The following SIPA1L1 variants were observed in gnomAD, a reference collection of about 807,000 sequenced individuals.
SIPA1L1 encodes the protein signal induced proliferation associated 1 like 1.
Under a neutral mutation model 162.7 loss-of-function variants are expected in SIPA1L1, and 26 were observed. The observed-to-expected ratio is 0.16, with a 90% CI of 0.12 to 0.22. SIPA1L1 has a LOEUF of 0.22. Ranked by LOEUF, SIPA1L1 falls within the 10% of genes least tolerant of loss-of-function variation. The pLI, the probability that SIPA1L1 is intolerant of heterozygous loss-of-function variation, is 1.00. For missense variants in SIPA1L1, 1,874 were observed against 2,241.0 expected, an observed-to-expected ratio of 0.84 and a Z score of 3.31; for synonymous variants, 829 against 837.4, an observed-to-expected ratio of 0.99 and a Z score of 0.17.
intron 6 of SIPA1L1, among the ~76,000 whole-genome samples, chr14:71,619,218 C>T (rs1282706657): frequency 2.0e-5 from 3 of 152,074 alleles, no homozygotes; most frequent in East Asian, 3.9e-4. Context: ...TACTGGAAAG[C>T]GCCAAGCCAA....
At chr14:71,395,236 T>C (rs139181145) in intron 2 of SIPA1L1, among the ~76,000 whole-genome samples, 227 of 152,288 alleles carry the variant, frequency 1.5e-3, no homozygotes, top group African/African-American at 5.1e-3. Context: ...ACAGAGCATG[T>C]GTTGTTTTGT....
chr14:71,730,234 C>T lies in SIPA1L1; in HGVS notation c.4794C>T (p.Tyr1598=). The T allele has an allele frequency of 6.2e-7, 1 of 1,614,146 alleles. No individual in the cohort carries two copies. The highest frequency in any genetic ancestry group is 1.3e-5 in the African/African-American group (1 of 75,034). ...LPNDVLFSST[Y]PSLPKSLPLR... ...ACGACGTCCTCTTCAGTAGCACGTA[C>T]CCTTCTCTCCCCAAGTCGCTCCCGT... The change falls in exon 20 of 24, where the codon TAC becomes TAT. Residue 1598 remains tyrosine (Y), a synonymous_variant. Coordinates refer to ENST00000381232, the MANE Select transcript of SIPA1L1 (RefSeq NM_001386936.1).
chr14:71,520,950 C>T (rs546860706), intron 3 of SIPA1L1, among the ~76,000 whole-genome samples: 2 of 152,092 alleles, frequency 1.3e-5, no homozygotes, highest in East Asian at 1.9e-4. Flanking sequence ...GATGGGGTTT[C>T]GCCATGTTGG....
chr14:71,585,511 GTTTTATTTCTTGTA>G (rs945988869), intron 4 of SIPA1L1, among the ~76,000 whole-genome samples: 1 of 152,154 alleles, frequency 6.6e-6, no homozygotes, highest in African/African-American at 2.4e-5. Flanking sequence ...TTCCAAGTCA[GTTTTATTTCTTGTA>G]TTTTACTGCC....
intron 2 of SIPA1L1, among the ~76,000 whole-genome samples, chr14:71,491,830 C>T (rs2049306919): frequency 6.8e-6 from 1 of 147,914 alleles, no homozygotes; most frequent in African/African-American, 2.5e-5. Context: ...CCCCGCCCCC[C>T]CACATGAAGA....
intron 2 of SIPA1L1, among the ~76,000 whole-genome samples, chr14:71,363,058 A>G (rs2037957823): frequency 6.6e-6 from 1 of 152,254 alleles, no homozygotes. Flanking sequence ...CTCATTTAAA[A>G]TGGCTTGTAA....
intron 2 of SIPA1L1, among the ~76,000 whole-genome samples, chr14:71,426,200 T>A (rs2043546582): frequency 6.6e-6 from 1 of 152,172 alleles, no homozygotes; most frequent in Non-Finnish European, 1.5e-5. Flanking sequence ...TCTACCATTC[T>A]CTGTCTTTTT....
intron 16 of SIPA1L1, among the ~76,000 whole-genome samples, chr14:71,708,026 T>G (rs1463009602): frequency 1.4e-4 from 17 of 124,032 alleles, no homozygotes; most frequent in South Asian, 6.4e-4. Flanking sequence ...TTTTTTTTTT[T>G]TTGTTTTTTT....
chr14:71,680,271 C>G (rs1386619658), intron 12 of SIPA1L1, among the ~76,000 whole-genome samples: 1 of 152,198 alleles, frequency 6.6e-6, no homozygotes, highest in African/African-American at 2.4e-5. Flanking sequence ...GATTAAGAAA[C>G]TCACTCAAAA....
At chr14:71,506,587 C>T (rs997472079) in intron 2 of SIPA1L1, among the ~76,000 whole-genome samples, 8 of 152,090 alleles carry the variant, frequency 5.3e-5, no homozygotes, top group South Asian at 4.2e-4. Context: ...GCGATCCACC[C>T]GCCTCAACCT....
intron 2 of SIPA1L1, 82 bp downstream of exon 2, chr14:71,321,263 G>T (rs1002133655): frequency 2.0e-5 from 3 of 152,376 alleles, no homozygotes; most frequent in East Asian, 1.9e-4. Context: ...TCTGGCCGGG[G>T]TTGGGGTCCA....
intron 7 of SIPA1L1, among the ~76,000 whole-genome samples, chr14:71,637,987 A>T (rs2041334905): frequency 6.6e-6 from 1 of 152,240 alleles, no homozygotes; most frequent in African/African-American, 2.4e-5. Context: ...AGAACTCCTC[A>T]GAAAACAGTC....
intron 2 of SIPA1L1, among the ~76,000 whole-genome samples, chr14:71,337,524 G>C (rs779630995): frequency 6.6e-6 from 1 of 152,166 alleles, no homozygotes; most frequent in Non-Finnish European, 1.5e-5. Context: ...AAGAGAGCAT[G>C]TCCTGGAGAA....
At chr14:71,347,533 A>G (rs1039139127) in intron 2 of SIPA1L1, among the ~76,000 whole-genome samples, 2 of 152,192 alleles carry the variant, frequency 1.3e-5, no homozygotes, top group Admixed American at 6.5e-5. Context: ...TGACTTATAT[A>G]GTAACTCTAT....
intron 2 of SIPA1L1, among the ~76,000 whole-genome samples, chr14:71,364,559 A>G (rs1292676466): frequency 6.6e-6 from 1 of 152,138 alleles, no homozygotes; most frequent in African/African-American, 2.4e-5. Context: ...GTCCCAGTAT[A>G]TGAATATATC....
chr14:71,491,166 G>T (rs2049216727), intron 2 of SIPA1L1, among the ~76,000 whole-genome samples: 2 of 152,302 alleles, frequency 1.3e-5, no homozygotes, highest in South Asian at 4.1e-4. Context: ...TCAACTACCA[G>T]TTGATTTTCA....
intron 5 of SIPA1L1, among the ~76,000 whole-genome samples, chr14:71,600,837 GT>G (rs2036653404): frequency 6.6e-6 from 1 of 151,670 alleles, no homozygotes; most frequent in South Asian, 2.1e-4. Context: ...CTTGTTTTTT[GT>G]TTTTGTTTTT....
Position 71,588,570 on chromosome 14 carries a change from A to G in SIPA1L1, c.698A>G (p.Lys233Arg), listed in dbSNP as rs2034881478. ...TTGTTAAAGGGCTACAAAGATGACA[A>G]ATCTGATCGAGGTCCAACTCCAACC... is the stretch of plus-strand genomic sequence containing the variant. ...FDLLKGYKDD[K>R]SDRGPTPTKL... Residue 233 changes from lysine to arginine, a missense_variant, in exon 5 of 24, where the codon AAA (lysine) becomes AGA (arginine). Coordinates refer to ENST00000381232, the MANE Select transcript of SIPA1L1 (RefSeq NM_001386936.1). This position sits in a 1 kb window ranked among gnomAD's most constrained non-coding sequence, Gnocchi z 4.3. The G allele has an allele frequency of 1.2e-6, 2 of 1,614,106 alleles. No homozygotes were observed. The highest frequency in any genetic ancestry group is 1.7e-6 in the Non-Finnish European group (2 of 1,179,978).
intron 2 of SIPA1L1, among the ~76,000 whole-genome samples, chr14:71,422,917 G>GT (rs2043294267): frequency 6.6e-6 from 1 of 152,176 alleles, no homozygotes. Context: ...TTTCTTCACA[G>GT]TGGCTGTACC....
Sources: gnomAD v4.1 joint callset for allele counts (sites outside exome capture counted in the v4.1 genomes callset) on GRCh38, gnomAD v4.1.1 for gene constraint, Gnocchi (gnomAD v3.1) non-coding constraint, MANE v1.5 for transcripts, NCBI Gene and HGNC (gene_info 2026-07-23, HGNC 2026-07-21) for gene names.